CACNA2D3: variants seen among roughly 807,000 people sequenced by gnomAD.
The protein encoded by CACNA2D3 is voltage-dependent calcium channel subunit alpha-2/delta-3.
CACNA2D3 carries 60 observed loss-of-function variants against 160.6 expected under a neutral mutation model. The observed-to-expected ratio is 0.37, with a 90% CI of 0.30 to 0.46. The LOEUF (loss-of-function observed/expected upper bound fraction) is 0.46, where lower values mean the gene tolerates loss of function less well. Ranked by LOEUF, CACNA2D3 falls within the 20% of genes least tolerant of loss-of-function variation. The pLI is 1.00. For missense variants in CACNA2D3, 1,205 were observed against 1,365.0 expected (o/e 0.88, Z 1.85); for synonymous variants, 558 against 492.9 (o/e 1.13, Z -1.75).
In CACNA2D3 at chr3:54,764,217, G is replaced by A; in HGVS notation, c.1247-1G>A. On this transcript the variant is annotated splice_acceptor_variant, in intron 12 of 37. Transcript: ENST00000474759. LOFTEE classifies it high-confidence loss of function. ...CTTGGCCCTCCCTTGGGTTTTGACA[G>A]GATTTTTTACCCAGATCTCCACCTT... 6.2e-7 allele frequency: 1 copy of A among 1,613,378 alleles called. No homozygotes were observed. Among genetic ancestry groups the A allele is most frequent in the Non-Finnish European group, 8.5e-7 (1 of 1,179,666 alleles).
At chr3:55,019,041 C>A in intron 35 of CACNA2D3, among the ~76,000 whole-genome samples, 1 of 146,308 alleles carries the variant, frequency 6.8e-6, no homozygotes, top group Non-Finnish European at 1.5e-5. Context: ...TCTCAGCCTC[C>A]CAAGTAGCTG....
At chr3:54,232,272 A>G (rs1014595654) in intron 2 of CACNA2D3, among the ~76,000 whole-genome samples, 2 of 152,112 alleles carry the variant, frequency 1.3e-5, no homozygotes, top group African/African-American at 4.8e-5. Flanking sequence ...GTTTTCAGCT[A>G]CAGGGAGGTG....
intron 31 of CACNA2D3, among the ~76,000 whole-genome samples, chr3:55,003,581 G>T (rs184711391): frequency 1.7e-4 from 26 of 152,252 alleles, no homozygotes; most frequent in African/African-American, 5.8e-4. Flanking sequence ...GCCCGTCTTC[G>T]TAGGGGAGGG....
chr3:54,887,909 C>A, intron 23 of CACNA2D3, 50 bp from the exon 24 acceptor site: 1 of 1,432,828 alleles, frequency 7.0e-7, no homozygotes. Context: ...GCCTCTCATG[C>A]CCCTCTTCCA....
chr3:54,416,885 C>T (rs568935437), intron 4 of CACNA2D3, among the ~76,000 whole-genome samples: 7 of 152,098 alleles, frequency 4.6e-5, no homozygotes, highest in African/African-American at 1.7e-4. Flanking sequence ...ATAAAGAAAA[C>T]ATTTTTTAAA....
chr3:54,413,747 C>CT lies in CACNA2D3; in HGVS notation c.381+26981dup, dbSNP rs1039723981. Among the ~76,000 whole-genome samples the CT allele has an allele frequency of 7.3e-5, 11 of 150,830 alleles. 1 individual carries two copies. Among genetic ancestry groups the CT allele is most frequent in the Admixed American group, 2.0e-4 (3 of 15,130 alleles). ...TTTAGTTCCTGGATTTTCATTAAAT[C>CT]TTTTTTTTATTTTCTATTTCTTTGC... On this transcript the variant is annotated intron_variant, in intron 4 of 37. Transcript: ENST00000474759.
At chr3:54,396,761 A>T (rs1227374625) in intron 4 of CACNA2D3, among the ~76,000 whole-genome samples, 30 of 13,532 alleles carry the variant, frequency 2.2e-3, no homozygotes, top group African/African-American at 7.4e-3. Context: ...CATCAAGGAT[A>T]TTGGTCTAAA....
At chr3:54,157,287 A>T (rs1295271718) in intron 2 of CACNA2D3, among the ~76,000 whole-genome samples, 1 of 152,174 alleles carries the variant, frequency 6.6e-6, no homozygotes, top group Admixed American at 6.5e-5. Flanking sequence ...ACCTTCTCAA[A>T]GGCTCCACCT....
intron 4 of CACNA2D3, among the ~76,000 whole-genome samples, chr3:54,421,272 TTTA>T (rs1196143945): frequency 6.6e-6 from 1 of 152,218 alleles, no homozygotes; most frequent in Non-Finnish European, 1.5e-5. Context: ...TCTTTGTTTG[TTTA>T]TTGTTTTCTT....
Position 54,880,653 on chromosome 3 carries a change from G to A in CACNA2D3, c.1845-143G>A, listed in dbSNP as rs144733281. On this transcript the variant is annotated intron_variant, in intron 20 of 37. Coordinates refer to ENST00000474759, the MANE Select transcript of CACNA2D3 (RefSeq NM_018398.3). ...AACCAACACCAGTGATAATCAGTGG[G>A]GTTTTGAAAGTAAACAGTTGGAAAA... 21 of 746,552 alleles carry A rather than the reference G, an allele frequency of 2.8e-5. No individual in the cohort carries two copies. In the African/African-American group the frequency reaches 3.6e-4, roughly 13 times the overall value. 46.2% of individuals were successfully genotyped at this position (746,552 alleles called of 1,614,324 possible). A position where few individuals can be genotyped will look rare whatever the true frequency, so the allele number is the denominator to read the frequency against.
chr3:54,759,899 A>G (rs532101496), intron 12 of CACNA2D3, among the ~76,000 whole-genome samples: 28 of 152,298 alleles, frequency 1.8e-4, no homozygotes, highest in African/African-American at 6.5e-4. Context: ...TTCATCCAGG[A>G]CAAATTACTG....
rs555751461 is a variant in CACNA2D3, at chr3:54,394,682, A to G, written c.381+7908A>G. The stretch of plus-strand genomic sequence containing the variant: ...GGCTGTATAGTATTCCATGGTGTAT[A>G]TGTGCCACATTTTCTTAATCCAGTC... On this transcript the variant is annotated intron_variant, in intron 4 of 37. Coordinates refer to ENST00000474759, the MANE Select transcript of CACNA2D3 (RefSeq NM_018398.3). 6.8e-4 allele frequency among the ~76,000 whole-genome samples: 76 copies of G among 111,098 alleles called. 7 individuals are homozygous for G. In the South Asian group the frequency reaches 0.023, roughly 34 times the overall value. The allele number at this position is 111,098 out of a possible 152,430, so 72.9% of individuals were successfully genotyped here.
intron 11 of CACNA2D3, among the ~76,000 whole-genome samples, chr3:54,719,163 C>CTTTTTTTTTTT (rs527632302): frequency 2.3e-5 from 3 of 132,700 alleles, no homozygotes; most frequent in Non-Finnish European, 3.2e-5. Flanking sequence ...CACTGGATTT[C>CTTTTTTTTTTT]TTTTTTTTTT....
intron 2 of CACNA2D3, among the ~76,000 whole-genome samples, chr3:54,207,636 C>T (rs919551846): frequency 6.6e-6 from 1 of 152,132 alleles, no homozygotes; most frequent in African/African-American, 2.4e-5. Context: ...GAGAAATGTG[C>T]ATTTGTCTGA....
At chr3:54,439,774 G>T (rs1700114829) in intron 4 of CACNA2D3, among the ~76,000 whole-genome samples, 1 of 152,128 alleles carries the variant, frequency 6.6e-6, no homozygotes, top group Non-Finnish European at 1.5e-5. Context: ...CATGATGGGA[G>T]ACTGAGTCCT....
intron 13 of CACNA2D3, among the ~76,000 whole-genome samples, chr3:54,785,629 G>C (rs72874248): frequency 0.13 from 20,056 of 152,144 alleles, 1,618 homozygotes; most frequent in East Asian, 0.3. Context: ...TAGGGAAATT[G>C]AGAAGCCAAC....
At chr3:54,890,533 A>G (rs2106865920) in intron 24 of CACNA2D3, among the ~76,000 whole-genome samples, 1 of 152,060 alleles carries the variant, frequency 6.6e-6, no homozygotes, top group African/African-American at 2.4e-5. Flanking sequence ...AAGAAAAAAA[A>G]TATTATGTGT....
intron 35 of CACNA2D3, among the ~76,000 whole-genome samples, chr3:55,039,328 C>G (rs531424447): frequency 6.6e-6 from 1 of 152,042 alleles, no homozygotes; most frequent in South Asian, 2.1e-4. Flanking sequence ...GGGGAAAAGA[C>G]GCAGAAGAGT....
chr3:54,457,567 G>T (rs1386262590), intron 4 of CACNA2D3, among the ~76,000 whole-genome samples: 2 of 151,920 alleles, frequency 1.3e-5, no homozygotes, highest in African/African-American at 4.8e-5. Flanking sequence ...ATGTCCATAG[G>T]TGTGTTTGGT....
Sources: gnomAD v4.1 joint callset for allele counts (sites outside exome capture counted in the v4.1 genomes callset) on GRCh38, gnomAD v4.1.1 for gene constraint, MANE v1.5 for transcripts, NCBI Gene and HGNC (gene_info 2026-07-23, HGNC 2026-07-21) for gene names.